SMYD3: variants seen among roughly 807,000 people sequenced by gnomAD.
The protein encoded by SMYD3 is SET and MYND domain containing 3.
Under a neutral mutation model 57.7 loss-of-function variants are expected in SMYD3, and 36 were observed. The observed-to-expected ratio is 0.62, with a 90% CI of 0.48 to 0.82. The LOEUF is 0.82. Ranked by LOEUF, SMYD3 falls within the 40% of genes least tolerant of loss-of-function variation. SMYD3 has a pLI of 0.00. For missense variants in SMYD3, 515 were observed against 538.8 expected (o/e 0.96, Z 0.44); for synonymous variants, 211 against 195.0 (o/e 1.08, Z -0.68).
intron 1 of SMYD3, among the ~76,000 whole-genome samples, chr1:246,382,297 T>C (rs925280631): frequency 3.9e-5 from 6 of 151,970 alleles, no homozygotes; most frequent in Non-Finnish European, 8.8e-5. Flanking sequence ...TCCAGCCCCA[T>C]GTCAGCCGCT....
chr1:246,367,314 G>GGA, intron 1 of SMYD3, among the ~76,000 whole-genome samples: 1 of 152,228 alleles, frequency 6.6e-6, no homozygotes, highest in African/African-American at 2.4e-5. Flanking sequence ...AGTTAGATAA[G>GGA]TTTTCTTCCA....
chr1:246,249,432 G>A (rs1461700231), intron 5 of SMYD3, among the ~76,000 whole-genome samples: 2 of 151,970 alleles, frequency 1.3e-5, no homozygotes, highest in African/African-American at 4.8e-5. Context: ...ACAAAACACA[G>A]AAAATACAAC....
At chr1:245,764,193 T>C (rs1222407276) in intron 10 of SMYD3, 44 bp from the exon 11 acceptor site, 1 of 1,340,368 alleles carries the variant, frequency 7.5e-7, no homozygotes, top group Non-Finnish European at 1.1e-6. Context: ...GCCCTCACCT[T>C]TGCAGTCAGC....
At chr1:245,868,342 T>A (rs1215635187) in intron 8 of SMYD3, among the ~76,000 whole-genome samples, 13 of 152,240 alleles carry the variant, frequency 8.5e-5, no homozygotes, top group Non-Finnish European at 1.5e-4. Context: ...TCTCCTGGAC[T>A]TGCTTAAAAG....
chr1:246,042,908 T>C (rs1282162330), intron 5 of SMYD3, among the ~76,000 whole-genome samples: 1 of 152,188 alleles, frequency 6.6e-6, no homozygotes, highest in Non-Finnish European at 1.5e-5. Context: ...TGAGGCTATT[T>C]CCAGGGGCTC....
At chr1:245,828,515 A>AT (rs1225312089) in intron 10 of SMYD3, among the ~76,000 whole-genome samples, 3 of 152,112 alleles carry the variant, frequency 2.0e-5, no homozygotes, top group South Asian at 2.1e-4. Context: ...TTATGTGCTT[A>AT]TTTTTTGACA....
chr1:246,316,724 G>A (rs139600649), intron 5 of SMYD3, among the ~76,000 whole-genome samples: 20,738 of 147,878 alleles, frequency 0.14, 1,982 homozygotes, highest in East Asian at 0.39. Context: ...GGCCAGGCAC[G>A]GTGGCTCATG....
At chr1:246,136,112 C>T (rs1208674910) in intron 5 of SMYD3, among the ~76,000 whole-genome samples, 1 of 152,186 alleles carries the variant, frequency 6.6e-6, no homozygotes, top group Non-Finnish European at 1.5e-5. Context: ...AGGAACTGCA[C>T]ATGTTCCCAA....
intron 5 of SMYD3, among the ~76,000 whole-genome samples, chr1:246,112,789 C>T (rs1214911928): frequency 1.3e-5 from 2 of 152,136 alleles, no homozygotes; most frequent in African/African-American, 4.8e-5. Flanking sequence ...TCTTATAGAA[C>T]AGAAATGCCA....
At chr1:246,437,280 A>C (rs969916685) in intron 1 of SMYD3, among the ~76,000 whole-genome samples, 14 of 152,262 alleles carry the variant, frequency 9.2e-5, no homozygotes, top group Middle Eastern at 3.4e-3. Context: ...GAGTTTTTGG[A>C]GAAAAAGCCT....
intron 1 of SMYD3, among the ~76,000 whole-genome samples, chr1:246,495,348 C>CAAAAAAAAAA (rs11329443): frequency 1.7e-5 from 1 of 57,880 alleles, no homozygotes; most frequent in African/African-American, 7.5e-5. Flanking sequence ...GACTCCGTCT[C>CAAAAAAAAAA]AAAAAAAAAA....
chr1:246,496,538 T>G (rs1224340672), intron 1 of SMYD3, among the ~76,000 whole-genome samples: 1 of 152,086 alleles, frequency 6.6e-6, no homozygotes, highest in Non-Finnish European at 1.5e-5. Context: ...ATTTTAAAAA[T>G]CAGTATTGGC....
intron 5 of SMYD3, among the ~76,000 whole-genome samples, chr1:246,123,726 A>G (rs1256462273): frequency 6.6e-6 from 1 of 152,116 alleles, no homozygotes; most frequent in Non-Finnish European, 1.5e-5. Context: ...ACATGCTTGT[A>G]TTGTTTTACA....
chr1:246,269,737 T>TA (rs1057281821), intron 5 of SMYD3, among the ~76,000 whole-genome samples: 5 of 151,888 alleles, frequency 3.3e-5, no homozygotes, highest in African/African-American at 4.8e-5. Context: ...TGGCTCATTT[T>TA]AAAAAAAATC....
chr1:246,340,165 G>A (rs536843903), intron 2 of SMYD3, among the ~76,000 whole-genome samples: 1 of 150,840 alleles, frequency 6.6e-6, no homozygotes, highest in African/African-American at 2.4e-5. Context: ...AATAAATATT[G>A]TATAATATTA....
chr1:245,878,018 A>C (rs1012503383), intron 8 of SMYD3, among the ~76,000 whole-genome samples: 1 of 152,142 alleles, frequency 6.6e-6, no homozygotes, highest in Non-Finnish European at 1.5e-5. Context: ...TGTTCCCAGG[A>C]GGAGGAAGGA....
intron 5 of SMYD3, among the ~76,000 whole-genome samples, chr1:246,135,344 A>C (rs1228717154): frequency 6.6e-6 from 1 of 152,142 alleles, no homozygotes; most frequent in African/African-American, 2.4e-5. Context: ...TGTATGACCT[A>C]ATTAAATCCT....
intron 10 of SMYD3, among the ~76,000 whole-genome samples, chr1:245,842,925 G>T (rs1010761874): frequency 6.6e-6 from 1 of 152,148 alleles, no homozygotes; most frequent in Non-Finnish European, 1.5e-5. Flanking sequence ...ACCCCAGGTT[G>T]ATCTCAAACT....
chr1:246,309,717 C>T (rs900463780), intron 5 of SMYD3, among the ~76,000 whole-genome samples: 2 of 152,292 alleles, frequency 1.3e-5, no homozygotes, highest in Admixed American at 6.5e-5. Context: ...ATTGCCTTCA[C>T]GGCCAAGAGT....
Sources: gnomAD v4.1 joint callset for allele counts (sites outside exome capture counted in the v4.1 genomes callset) on GRCh38, gnomAD v4.1.1 for gene constraint, MANE v1.5 for transcripts, NCBI Gene and HGNC (gene_info 2026-07-23, HGNC 2026-07-21) for gene names.